The following LRRFIP1 variants were observed in gnomAD, a reference collection of about 807,000 sequenced individuals.
The protein encoded by LRRFIP1 is leucine-rich repeat flightless-interacting protein 1.
Under a neutral mutation model 104.4 loss-of-function variants are expected in LRRFIP1, and 62 were observed. That is an observed-to-expected ratio of 0.59 (90% confidence interval 0.48 to 0.73). The LOEUF is 0.73. LRRFIP1 is among the 30% of genes least tolerant of loss of function. LRRFIP1 has a pLI of 0.00. For missense variants in LRRFIP1, 796 were observed against 824.5 expected, an observed-to-expected ratio of 0.97 and a Z score of 0.42; for synonymous variants, 300 against 299.0, an observed-to-expected ratio of 1.00 and a Z score of -0.03.
chr2:237,763,094 C>T, intron 19 of LRRFIP1: 1 of 1,614,064 alleles, frequency 6.2e-7, no homozygotes, highest in Non-Finnish European at 8.5e-7. Flanking sequence ...GGTAGAGGTC[C>T]CCCAAGAGTT....
chr2:237,766,001 G>A lies in LRRFIP1; in HGVS notation c.1460-3942G>A. On this transcript the variant is annotated intron_variant, in intron 19 of 23. Coordinates refer to ENST00000308482, the MANE Select transcript of LRRFIP1 (RefSeq NM_001137550.2). The surrounding 1 kb of genome is among the most constrained non-coding windows in gnomAD (Gnocchi z 4.8). ...ACCACCTTTGAGTAATATCTGCTTG[G>A]GGGTTGCTGATTCCTATTGGGGTTC... The A allele has an allele frequency of 1.2e-6, 1 of 847,740 alleles. No homozygotes were observed. Among genetic ancestry groups the A allele is most frequent in the Non-Finnish European group, 1.4e-6 (1 of 704,728 alleles). 52.5% of individuals were successfully genotyped at this position (847,740 alleles called of 1,614,324 possible). A position where few individuals can be genotyped will look rare whatever the true frequency, so the allele number is the denominator to read the frequency against.
rs1336728619 is a variant in LRRFIP1, at chr2:237,661,509, T to C, written c.96+33769T>C. On this transcript the variant is annotated intron_variant, in intron 1 of 23. Coordinates refer to ENST00000308482, the MANE Select transcript of LRRFIP1 (RefSeq NM_001137550.2). This position sits in a 1 kb window ranked among gnomAD's most constrained non-coding sequence, Gnocchi z 4.4. ...CCAGATGTGAGCAAATCCCTTTCCT[T>C]CCACCTCGCTCTCGGCCCCTGGTTC... Among the ~76,000 whole-genome samples the C allele has an allele frequency of 6.6e-6, 1 of 152,164 alleles. No homozygotes were observed.
intron 1 of LRRFIP1, among the ~76,000 whole-genome samples, chr2:237,651,893 G>A (rs182862118): frequency 9.2e-5 from 14 of 152,230 alleles, no homozygotes; most frequent in South Asian, 4.1e-4. Flanking sequence ...TACTTTGCAC[G>A]GGTAGCCTCT....
intron 1 of LRRFIP1, among the ~76,000 whole-genome samples, chr2:237,694,648 A>C (rs1279839901): frequency 6.6e-6 from 1 of 152,212 alleles, no homozygotes; most frequent in Non-Finnish European, 1.5e-5. Context: ...GCACCCATGC[A>C]GAGGAGAGCC....
intron 7 of LRRFIP1, among the ~76,000 whole-genome samples, chr2:237,727,174 G>A (rs190478536): frequency 6.6e-6 from 1 of 152,076 alleles, no homozygotes; most frequent in African/African-American, 2.4e-5. Context: ...TGACCAACAT[G>A]ATGAAACCCC....
intron 1 of LRRFIP1, among the ~76,000 whole-genome samples, chr2:237,675,206 G>T (rs564856995): frequency 3.3e-5 from 5 of 152,318 alleles, no homozygotes; most frequent in African/African-American, 1.2e-4. Context: ...TCCAGCCCTA[G>T]CTGTTCCTGA....
At chr2:237,652,173 G>C (rs2086049221) in intron 1 of LRRFIP1, among the ~76,000 whole-genome samples, 1 of 152,218 alleles carries the variant, frequency 6.6e-6, no homozygotes, top group Non-Finnish European at 1.5e-5. Flanking sequence ...AGAAGTCAGG[G>C]AATTAAAAGC....
Position 237,735,165 on chromosome 2 carries a change from C to G in LRRFIP1, c.490-103C>G. ...CCCCTGCATGCTTTTTCAGGTCATG[C>G]TCCTGGCACGTGTCAGTTTTTCACA... is the stretch of plus-strand genomic sequence containing the variant. On this transcript the variant is annotated intron_variant, in intron 9 of 23. Transcript: ENST00000308482. The surrounding 1 kb of genome is among the most constrained non-coding windows in gnomAD (Gnocchi z 4.6). The G allele has an allele frequency of 2.3e-6, 2 of 874,788 alleles. No individual in the cohort carries two copies. The highest frequency in any genetic ancestry group is 3.2e-5 in the South Asian group (2 of 61,566). The allele number at this position is 874,788 out of a possible 1,614,324, so 54.2% of individuals were successfully genotyped here. A position where few individuals can be genotyped will look rare whatever the true frequency, so the allele number is the denominator to read the frequency against.
rs780561809 is a variant in LRRFIP1 at position 237,703,705 on chromosome 2, C to T, written c.97-4839C>T. Among the ~76,000 whole-genome samples, 2 of 152,146 alleles carry T rather than the reference C, an allele frequency of 1.3e-5. No homozygotes were observed. Among genetic ancestry groups the T allele is most frequent in the Non-Finnish European group, 2.9e-5 (2 of 68,028 alleles). On this transcript the variant is annotated intron_variant, in intron 1 of 23. Coordinates refer to ENST00000308482, the MANE Select transcript of LRRFIP1 (RefSeq NM_001137550.2). This position sits in a 1 kb window ranked among gnomAD's most constrained non-coding sequence, Gnocchi z 4.3. Reference sequence around the variant, plus strand: ...GTTTCTTCCCCCATGTGGTCCTCATCACATGTACATTGTCACCAGGTGCTT... The same window carrying T: ...GTTTCTTCCCCCATGTGGTCCTCATTACATGTACATTGTCACCAGGTGCTT...
At chr2:237,674,256 T>C (rs548822863) in intron 1 of LRRFIP1, among the ~76,000 whole-genome samples, 2 of 152,094 alleles carry the variant, frequency 1.3e-5, no homozygotes. Flanking sequence ...TCAAAGTGGG[T>C]GGTGGGGTAT....
chr2:237,748,755 C>T (rs1042269620), intron 12 of LRRFIP1, among the ~76,000 whole-genome samples: 2 of 152,136 alleles, frequency 1.3e-5, no homozygotes, highest in Non-Finnish European at 2.9e-5. Flanking sequence ...AGTAACAGTC[C>T]TGTGATGTTA....
chr2:237,661,562 G>T lies in LRRFIP1; in HGVS notation c.96+33822G>T, dbSNP rs2087961958. ...CTTCTGTTCCTGCCCAGGGCAAACT[G>T]CCCTATGTGCATCTCTGTCCTCATC... is the stretch of plus-strand genomic sequence containing the variant. On this transcript the variant is annotated intron_variant, in intron 1 of 23. Transcript: ENST00000308482. This position sits in a 1 kb window ranked among gnomAD's most constrained non-coding sequence, Gnocchi z 4.4. Among the ~76,000 whole-genome samples, 1 of 152,148 alleles carries T rather than the reference G, an allele frequency of 6.6e-6. No individual in the cohort carries two copies. Among genetic ancestry groups the T allele is most frequent in the Admixed American group, 6.5e-5 (1 of 15,268 alleles).
At chr2:237,746,720 G>A (rs3754719) in intron 11 of LRRFIP1, among the ~76,000 whole-genome samples, 9,285 of 152,290 alleles carry the variant, frequency 0.061, 421 homozygotes, top group East Asian at 0.14. Context: ...TCTTCACTGC[G>A]GTATAGCTGG....
chr2:237,729,261 C>T (rs955212282), intron 8 of LRRFIP1, among the ~76,000 whole-genome samples: 4 of 152,176 alleles, frequency 2.6e-5, no homozygotes, highest in African/African-American at 7.2e-5. Flanking sequence ...ACTCAAGACA[C>T]GTAAAGATGG....
chr2:237,741,951 G>C (rs1177353115), intron 11 of LRRFIP1, among the ~76,000 whole-genome samples: 1 of 152,194 alleles, frequency 6.6e-6, no homozygotes, highest in Non-Finnish European at 1.5e-5. Flanking sequence ...TGTACCCTCT[G>C]CCTGGTTCCA....
intron 9 of LRRFIP1, among the ~76,000 whole-genome samples, chr2:237,734,721 T>C (rs2095175261): frequency 6.6e-6 from 1 of 152,216 alleles, no homozygotes; most frequent in Admixed American, 6.5e-5. Context: ...GACATCACCA[T>C]TTGTGGCAGT....
intron 3 of LRRFIP1, among the ~76,000 whole-genome samples, chr2:237,716,808 C>A (rs1193715255): frequency 6.6e-6 from 1 of 152,166 alleles, no homozygotes; most frequent in African/African-American, 2.4e-5. Flanking sequence ...TTCCCACCTA[C>A]CTTTGGGATT....
chr2:237,739,177 C>A, intron 10 of LRRFIP1, 55 bp from the exon 11 acceptor site: 1 of 1,482,520 alleles, frequency 6.7e-7, no homozygotes. Flanking sequence ...TGCTCCTTTG[C>A]TGACCCTGTT....
intron 22 of LRRFIP1, among the ~76,000 whole-genome samples, chr2:237,773,394 C>T (rs942417836): frequency 5.3e-5 from 8 of 151,930 alleles, no homozygotes; most frequent in African/African-American, 1.5e-4. Context: ...AAAAATTAGC[C>T]GGGCATGGTG....
Sources: allele counts gnomAD v4.1 joint callset (sites outside exome capture counted in the v4.1 genomes callset), GRCh38; gene constraint gnomAD v4.1.1; non-coding constraint Gnocchi (gnomAD v3.1); transcripts MANE v1.5; gene names NCBI Gene and HGNC (gene_info 2026-07-23, HGNC 2026-07-21).